NCKAP5: variants seen among roughly 807,000 people sequenced by gnomAD.
The protein encoded by NCKAP5 is NCK associated protein 5, also known as nck-associated protein 5.
A neutral mutation model predicts 167.0 loss-of-function variants in NCKAP5; 92 were observed. That is an observed-to-expected ratio of 0.55 (90% CI 0.47 to 0.66). The LOEUF is 0.66. Ranked by LOEUF, NCKAP5 falls within the 30% of genes least tolerant of loss-of-function variation. The pLI is 0.00. For synonymous variants in NCKAP5, 891 were observed against 877.4 expected (o/e 1.02, Z -0.27); for missense variants, 2,378 against 2,315.0 (o/e 1.03, Z -0.56).
chr2:132,991,792 C>A (rs1041693988), intron 7 of NCKAP5, among the ~76,000 whole-genome samples: 1 of 152,120 alleles, frequency 6.6e-6, no homozygotes, highest in Non-Finnish European at 1.5e-5. Context: ...GCTAATGACA[C>A]CCCATATTAT....
chr2:133,043,966 G>A (rs1266169378), intron 6 of NCKAP5, among the ~76,000 whole-genome samples: 2 of 151,572 alleles, frequency 1.3e-5, no homozygotes, highest in Admixed American at 1.3e-4. Flanking sequence ...CCTCACAAAT[G>A]GAATATTAAA....
intron 5 of NCKAP5, among the ~76,000 whole-genome samples, chr2:133,166,592 C>A (rs1278994104): frequency 6.6e-6 from 1 of 152,132 alleles, no homozygotes; most frequent in Non-Finnish European, 1.5e-5. Context: ...TAAATTTAAA[C>A]ACATATACAC....
intron 4 of NCKAP5, among the ~76,000 whole-genome samples, chr2:133,216,564 C>T (rs1015369917): frequency 2.0e-5 from 3 of 152,156 alleles, no homozygotes; most frequent in South Asian, 4.1e-4. Context: ...AAATGCAATT[C>T]TAAACTTCTA....
At chr2:133,238,614 C>T (rs923777183) in intron 4 of NCKAP5, among the ~76,000 whole-genome samples, 8 of 152,142 alleles carry the variant, frequency 5.3e-5, no homozygotes, top group Admixed American at 3.9e-4. Flanking sequence ...CTGGAAAAGA[C>T]TCCAAAATCT....
chr2:133,205,980 T>C (rs886832364), intron 5 of NCKAP5, among the ~76,000 whole-genome samples: 3 of 152,206 alleles, frequency 2.0e-5, no homozygotes, highest in African/African-American at 7.2e-5. Context: ...GATTTTCTAC[T>C]TAGACAATCA....
chr2:133,657,018 C>T, the NCKAP5 span, among the ~76,000 whole-genome samples: 4 of 152,244 alleles, frequency 2.6e-5, no homozygotes, highest in South Asian at 6.2e-4. Context: ...TGAGAACATG[C>T]GATGTTTGGT....
At chr2:132,979,999 T>TTC (rs2077086066) in intron 7 of NCKAP5, among the ~76,000 whole-genome samples, 1 of 148,858 alleles carries the variant, frequency 6.7e-6, no homozygotes, top group African/African-American at 2.5e-5. Context: ...TCTTTTTCTT[T>TTC]TTTTTTTTTT....
chr2:133,078,913 C>A (rs1017396510), intron 6 of NCKAP5, among the ~76,000 whole-genome samples: 1 of 152,036 alleles, frequency 6.6e-6, no homozygotes, highest in Non-Finnish European at 1.5e-5. Context: ...AAACAGCATG[C>A]TTTTCATATT....
At chr2:133,445,478 T>C (rs1333488363) in intron 3 of NCKAP5, among the ~76,000 whole-genome samples, 1 of 152,230 alleles carries the variant, frequency 6.6e-6, no homozygotes, top group East Asian at 1.9e-4. Flanking sequence ...GGCTCACTTT[T>C]GTAGACCTTG....
rs148773426 is a variant in NCKAP5, at chr2:133,011,811, G to T, written c.342-17572C>A. 6.1e-4 allele frequency among the ~76,000 whole-genome samples: 93 copies of T among 152,288 alleles called. No individual in the cohort carries two copies. The East Asian group carries it at 0.013, about 21-fold the overall frequency. ...GGATGATTATCATTCTGTGAACCAC[G>T]TTGCTGATCTCCTTGCTTTGACACC... On this transcript the variant is annotated intron_variant, in intron 6 of 19. Coordinates refer to ENST00000409261, the MANE Select transcript of NCKAP5 (RefSeq NM_207363.3).
chr2:133,547,749 A>G (rs9677127), intron 2 of NCKAP5, among the ~76,000 whole-genome samples: 3,130 of 149,322 alleles, frequency 0.021, 116 homozygotes, highest in African/African-American at 0.073. Flanking sequence ...ATCAAAGACC[A>G]AAAGTAGATA....
chr2:133,559,499 T>A (rs6717644), intron 1 of NCKAP5, among the ~76,000 whole-genome samples: 3 of 152,244 alleles, frequency 2.0e-5, no homozygotes, highest in Admixed American at 6.5e-5. Context: ...TTTAAAATTG[T>A]TTTTTTAGAG....
intron 3 of NCKAP5, among the ~76,000 whole-genome samples, chr2:133,458,476 AC>A (rs879916973): frequency 2.6e-5 from 4 of 152,062 alleles, no homozygotes; most frequent in African/African-American, 9.7e-5. Context: ...GGGCCTTGCA[AC>A]ATCCTGGCTG....
intron 9 of NCKAP5, among the ~76,000 whole-genome samples, chr2:132,873,478 C>T (rs1372904193): frequency 1.3e-5 from 2 of 151,868 alleles, no homozygotes; most frequent in Admixed American, 6.6e-5. Flanking sequence ...TATATGTGTG[C>T]GTGTGTTTGT....
chr2:132,795,023 C>T (rs189895739), intron 12 of NCKAP5, among the ~76,000 whole-genome samples: 3 of 152,308 alleles, frequency 2.0e-5, no homozygotes, highest in Admixed American at 6.5e-5. Flanking sequence ...TGTTAGCAGG[C>T]ACTGTGTATG....
At chr2:132,812,681 G>A (rs577608070) in intron 11 of NCKAP5, among the ~76,000 whole-genome samples, 13 of 152,144 alleles carry the variant, frequency 8.5e-5, no homozygotes, top group Non-Finnish European at 1.2e-4. Context: ...ACTGAGAAAC[G>A]ATTACTCAGG....
intron 4 of NCKAP5, among the ~76,000 whole-genome samples, chr2:133,219,525 C>T (rs1296617708): frequency 6.6e-6 from 1 of 152,110 alleles, no homozygotes; most frequent in Non-Finnish European, 1.5e-5. Context: ...GCAGCTAAGT[C>T]CCACGACAGC....
At chr2:132,686,127 T>A (rs1573859443) in intron 19 of NCKAP5, among the ~76,000 whole-genome samples, 1 of 152,094 alleles carries the variant, frequency 6.6e-6, no homozygotes, top group Non-Finnish European at 1.5e-5. Context: ...ATTCAAATGA[T>A]CCAGGGATTT....
At chr2:132,687,021 G>A (rs1450949199) in intron 19 of NCKAP5, among the ~76,000 whole-genome samples, 7 of 152,006 alleles carry the variant, frequency 4.6e-5, no homozygotes, top group South Asian at 2.1e-4. Flanking sequence ...AGACTATGTC[G>A]GTGAGGTGTT....
Sources: gnomAD v4.1 joint callset for allele counts (sites outside exome capture counted in the v4.1 genomes callset) on GRCh38, gnomAD v4.1.1 for gene constraint, MANE v1.5 for transcripts, NCBI Gene and HGNC (gene_info 2026-07-23, HGNC 2026-07-21) for gene names.